EYS: variants seen among roughly 807,000 people sequenced by gnomAD.
The protein encoded by EYS is protein eyes shut homolog.
A neutral mutation model predicts 282.1 loss-of-function variants in EYS; 250 were observed. The observed-to-expected ratio is 0.89, with a 90% CI of 0.80 to 0.98. EYS has a LOEUF of 0.98. EYS is among the 50% of genes least tolerant of loss of function. The pLI is 0.00. For synonymous variants in EYS, 1,355 were observed against 1,282.9 expected (o/e 1.06, Z -1.20); for missense variants, 4,016 against 3,709.0 (o/e 1.08, Z -2.15).
At chr6:64,063,431 C>T (rs767948141) in intron 33 of EYS, among the ~76,000 whole-genome samples, 1 of 152,030 alleles carries the variant, frequency 6.6e-6, no homozygotes, top group Non-Finnish European at 1.5e-5. Flanking sequence ...GTTTTTGACA[C>T]CTCTATTTTC....
chr6:64,291,198 T>A (rs920071312), intron 30 of EYS, among the ~76,000 whole-genome samples: 1 of 151,852 alleles, frequency 6.6e-6, no homozygotes, highest in African/African-American at 2.4e-5. Context: ...AGGATATGAC[T>A]CTTATCAGTG....
At chr6:65,172,646 A>T (rs1401131865) in intron 12 of EYS, among the ~76,000 whole-genome samples, 1 of 151,388 alleles carries the variant, frequency 6.6e-6, no homozygotes, top group Non-Finnish European at 1.5e-5. Context: ...AGGAGGATAC[A>T]GCTGAACAGT....
chr6:64,842,587 G>A (rs1182054627), intron 19 of EYS, among the ~76,000 whole-genome samples: 1 of 151,980 alleles, frequency 6.6e-6, no homozygotes, highest in Non-Finnish European at 1.5e-5. Flanking sequence ...AATGGTGATA[G>A]CAATATGAAT....
intron 12 of EYS, among the ~76,000 whole-genome samples, chr6:65,192,332 A>AGTGTGTG (rs1765663348): frequency 1.0e-5 from 1 of 97,454 alleles, no homozygotes; most frequent in Non-Finnish European, 2.2e-5. Flanking sequence ...TGTGTGTATA[A>AGTGTGTG]TGTGTGGTAT....
At chr6:63,758,183 A>G (rs1769539621) in intron 41 of EYS, among the ~76,000 whole-genome samples, 1 of 152,170 alleles carries the variant, frequency 6.6e-6, no homozygotes, top group African/African-American at 2.4e-5. Flanking sequence ...GATCACAGGC[A>G]TGAGCTACTG....
At chr6:64,944,344 T>C (rs1769201556) in intron 15 of EYS, among the ~76,000 whole-genome samples, 1 of 151,896 alleles carries the variant, frequency 6.6e-6, no homozygotes, top group Non-Finnish European at 1.5e-5. Context: ...CAAAAGCAAC[T>C]ACAACAAAAC....
At chr6:64,686,801 ATATG>A (rs1770136715) in intron 22 of EYS, among the ~76,000 whole-genome samples, 1 of 63,178 alleles carries the variant, frequency 1.6e-5, no homozygotes, top group African/African-American at 5.6e-5. Flanking sequence ...GTGTATATAT[ATATG>A]TGTGTATATA....
intron 5 of EYS, among the ~76,000 whole-genome samples, chr6:65,420,180 T>C (rs1767401342): frequency 6.6e-6 from 1 of 151,996 alleles, no homozygotes; most frequent in African/African-American, 2.4e-5. Context: ...CAATGCCATT[T>C]GAGAGCATTT....
chr6:65,112,982 T>A (rs544196397), intron 12 of EYS, among the ~76,000 whole-genome samples: 1 of 152,206 alleles, frequency 6.6e-6, no homozygotes, highest in Admixed American at 6.5e-5. Flanking sequence ...CCTTCTAAAT[T>A]GGTGAAAATG....
chr6:64,958,133 A>G (rs895789930), intron 14 of EYS, among the ~76,000 whole-genome samples: 3 of 152,008 alleles, frequency 2.0e-5, no homozygotes, highest in Non-Finnish European at 2.9e-5. Flanking sequence ...GTATAATTAT[A>G]CATACACAAT....
rs187930706 is a variant in EYS at position 65,223,349 on chromosome 6, A to C, written c.2023+72514T>G. Among the ~76,000 whole-genome samples the C allele has an allele frequency of 3.2e-3, 484 of 152,288 alleles. 5 individuals carry two copies. Among genetic ancestry groups the C allele is most frequent in the African/African-American group, 0.011 (456 of 41,558 alleles). On this transcript the variant is annotated intron_variant, in intron 12 of 42. Transcript: ENST00000503581. ...GCCATTGCACTCCAGCCTGGGCAAC[A>C]GAATGAGACTCCATCTCCAATAACA...
At chr6:64,963,767 T>A (rs1252030058) in intron 14 of EYS, among the ~76,000 whole-genome samples, 1 of 152,192 alleles carries the variant, frequency 6.6e-6, no homozygotes, top group East Asian at 1.9e-4. Context: ...TTTCTATTCA[T>A]TTTGTCAGAT....
At chr6:64,573,865 T>G (rs1173723770) in intron 26 of EYS, among the ~76,000 whole-genome samples, 1 of 152,186 alleles carries the variant, frequency 6.6e-6, no homozygotes, top group Non-Finnish European at 1.5e-5. Flanking sequence ...GAAGACAGTG[T>G]GGCAATTCCT....
intron 8 of EYS, among the ~76,000 whole-genome samples, chr6:65,373,596 A>G (rs1389651394): frequency 6.6e-6 from 1 of 152,126 alleles, no homozygotes; most frequent in African/African-American, 2.4e-5. Flanking sequence ...ACAAATATCT[A>G]AAACCAAATA....
intron 29 of EYS, among the ~76,000 whole-genome samples, chr6:64,383,234 G>A (rs1481058787): frequency 6.6e-6 from 1 of 152,198 alleles, no homozygotes; most frequent in Non-Finnish European, 1.5e-5. Flanking sequence ...TCAGGAGGTC[G>A]AGGCTGCAGT....
intron 26 of EYS, among the ~76,000 whole-genome samples, chr6:64,448,313 G>T (rs553269453): frequency 6.6e-6 from 1 of 152,246 alleles, no homozygotes; most frequent in Non-Finnish European, 1.5e-5. Context: ...TGGGGGAGGG[G>T]CGCCAGCCAT....
chr6:64,115,181 G>A (rs1323083097), intron 31 of EYS, among the ~76,000 whole-genome samples: 1 of 152,188 alleles, frequency 6.6e-6, no homozygotes, highest in Non-Finnish European at 1.5e-5. Flanking sequence ...CTGCACATGA[G>A]TATGTCCCAG....
intron 33 of EYS, among the ~76,000 whole-genome samples, chr6:64,000,228 G>A (rs1218817808): frequency 3.6e-5 from 4 of 112,468 alleles, no homozygotes; most frequent in Non-Finnish European, 5.0e-5. Context: ...GTCTCGCTCT[G>A]TCGCCCAGGC....
intron 15 of EYS, among the ~76,000 whole-genome samples, chr6:64,921,009 G>A (rs1583295221): frequency 6.6e-6 from 1 of 152,000 alleles, no homozygotes; most frequent in East Asian, 1.9e-4. Flanking sequence ...AAAAGCCAAA[G>A]GATTTTTATG....
Sources: allele counts gnomAD v4.1 joint callset (sites outside exome capture counted in the v4.1 genomes callset), GRCh38; gene constraint gnomAD v4.1.1; transcripts MANE v1.5; gene names NCBI Gene and HGNC (gene_info 2026-07-23, HGNC 2026-07-21).